Variants in ITIH4 observed in about 807,000 individuals in gnomAD.
ITIH4 encodes inter-alpha-trypsin inhibitor heavy chain 4, also known as inter-alpha-trypsin inhibitor heavy chain H4.
A neutral mutation model predicts 111.8 loss-of-function variants in ITIH4; 79 were observed. The observed-to-expected ratio is 0.71, with a 90% CI of 0.59 to 0.85. ITIH4 has a LOEUF of 0.85. Among genes scored for constraint, ITIH4 ranks in the 40% least tolerant of loss-of-function variants. ITIH4 has a pLI of 0.00. For synonymous variants in ITIH4, 472 were observed against 468.3 expected, an observed-to-expected ratio of 1.01 and a Z score of -0.10; for missense variants, 1,065 against 1,195.8, an observed-to-expected ratio of 0.89 and a Z score of 1.61.
chr3:52,820,155 C>T (rs1306359388), intron 14 of ITIH4, 136 bp downstream of exon 14: 3 of 1,352,846 alleles, frequency 2.2e-6, no homozygotes, highest in South Asian at 1.3e-5. Context: ...ATTACACTGC[C>T]TCCTGGCAGC....
intron 1 of ITIH4, 72 bp downstream of exon 1, chr3:52,830,481 C>A (rs757570538): frequency 2.0e-5 from 28 of 1,406,556 alleles, no homozygotes; most frequent in Non-Finnish European, 2.4e-5. Context: ...CTGGCACATG[C>A]GGAGGCTCTT....
chr3:52,826,139 G>A (rs1700476680), intron 5 of ITIH4, 125 bp from the exon 6 acceptor site: 14 of 1,354,456 alleles, frequency 1.0e-5, no homozygotes, highest in Non-Finnish European at 1.4e-5. Flanking sequence ...GTATTCCAGG[G>A]CACTTTCTTT....
Position 52,827,188 on chromosome 3 carries a change from A to G in ITIH4, c.261T>C (p.Asp87=). Residue 87 remains aspartate (D), a synonymous_variant, in exon 3 of 24, where the codon GAT becomes GAC. Coordinates refer to ENST00000266041, the MANE Select transcript of ITIH4 (RefSeq NM_002218.5). The stretch of plus-strand genomic sequence containing the variant: ...TGATGATCCCTGGGTAGGTCATGCC[A>G]TCGATGATCCTGGGGGCAGAAGGGT... The part of the protein sequence containing the change: ...AFITNFSMII[D]GMTYPGIIKE... 1 of 1,613,856 alleles carries G rather than the reference A, an allele frequency of 6.2e-7. No individual in the cohort carries two copies. The highest frequency in any genetic ancestry group is 8.5e-7 in the Non-Finnish European group (1 of 1,179,812).
intron 11 of ITIH4, 101 bp from the exon 12 acceptor site, chr3:52,821,231 C>A: frequency 2.8e-6 from 4 of 1,411,150 alleles, no homozygotes; most frequent in Non-Finnish European, 3.9e-6. Flanking sequence ...GGGGCAGGTC[C>A]CACACACTGA....
chr3:52,825,392 A>AG (rs1700465284), intron 6 of ITIH4: 1 of 153,370 alleles, frequency 6.5e-6, no homozygotes, highest in East Asian at 1.9e-4. Flanking sequence ...ACTTGAGCCC[A>AG]GGAATTCAAG....
chr3:52,817,768 CCT>C (rs934886476), intron 20 of ITIH4, among the ~76,000 whole-genome samples: 2 of 152,250 alleles, frequency 1.3e-5, no homozygotes, highest in Non-Finnish European at 2.9e-5. Flanking sequence ...AGGCAGCTCC[CCT>C]GACCCTTGCC....
intron 21 of ITIH4, among the ~76,000 whole-genome samples, chr3:52,815,566 C>T (rs958651553): frequency 4.6e-5 from 7 of 151,822 alleles, no homozygotes; most frequent in Non-Finnish European, 7.4e-5. Flanking sequence ...TCTTCTGTAG[C>T]TCATGAAACT....
intron 20 of ITIH4, among the ~76,000 whole-genome samples, chr3:52,817,717 T>G (rs985063256): frequency 2.6e-5 from 4 of 152,226 alleles, no homozygotes; most frequent in African/African-American, 9.6e-5. Context: ...CATGCTGGTC[T>G]CTGTGCACCC....
In ITIH4 at chr3:52,824,142, C is replaced by G. The variant is rs746018283; in HGVS notation, c.1171+48G>C. 1.3e-6 allele frequency: 2 copies of G among 1,599,130 alleles called. No homozygotes were observed. The highest frequency in any genetic ancestry group is 3.4e-5 in the Admixed American group (2 of 59,658). ...ACAGCAAGCCCAGGTGCAGCCCCAGCCGCCTCCCCTGTGCAGCACGTCCTG... is the reference window on the plus strand; with the variant it reads ...ACAGCAAGCCCAGGTGCAGCCCCAGGCGCCTCCCCTGTGCAGCACGTCCTG... On this transcript the variant is annotated intron_variant, in intron 9 of 23. Coordinates refer to ENST00000266041, the MANE Select transcript of ITIH4 (RefSeq NM_002218.5). The surrounding 1 kb of genome is among the most constrained non-coding windows in gnomAD (Gnocchi z 4.3).
At chr3:52,813,840 CA>C (rs1469695829) in intron 23 of ITIH4, 134 bp downstream of exon 23, 1 of 721,088 alleles carries the variant, frequency 1.4e-6, no homozygotes, top group African/African-American at 1.7e-5. Flanking sequence ...GACACTTCTA[CA>C]GCATCAACCT....
At position 52,820,619 on chromosome 3, in the gene ITIH4, C is replaced by T. The variant is rs756500181; in HGVS notation, c.1834+12G>A. ...GCTACCTGGGAGGCTGAGATCTCAA[C>T]CCCACACCCACCGCCTTCCATGGGC... On this transcript the variant is annotated intron_variant, in intron 13 of 23. Transcript: ENST00000266041. The T allele has an allele frequency of 1.4e-5, 23 of 1,600,850 alleles. No homozygotes were observed. The highest frequency in any genetic ancestry group is 2.0e-5 in the Non-Finnish European group (23 of 1,172,930).
rs757393512 is a variant in ITIH4, at chr3:52,824,528, C to A, written c.914G>T (p.Ser305Ile). Residue 305 changes from serine to isoleucine, a missense_variant, in exon 8 of 24, where the codon AGC becomes ATC. Transcript: ENST00000266041. The surrounding 1 kb of genome is among the most constrained non-coding windows in gnomAD (Gnocchi z 4.3). ...GATGAGGTTGAACTGGTCTCTGGGG[C>A]TGAGGTCATCCAGGATCTTGATTAG... ...EALIKILDDLSPRDQFNLIVF... is the reference protein window; with the variant it reads ...EALIKILDDLIPRDQFNLIVF... The A allele has an allele frequency of 1.2e-5, 19 of 1,613,818 alleles. No individual in the cohort carries two copies. The highest frequency in any genetic ancestry group is 1.7e-4 in the Middle Eastern group (1 of 6,060).
intron 2 of ITIH4, among the ~76,000 whole-genome samples, 193 bp downstream of exon 2, chr3:52,828,926 G>A (rs1229222990): frequency 2.0e-5 from 3 of 152,172 alleles, no homozygotes; most frequent in Non-Finnish European, 4.4e-5. Context: ...TGGATGGAGG[G>A]AAGGACGGGG....
chr3:52,824,687 G>A lies in ITIH4; in HGVS notation c.877-122C>T, dbSNP rs1024866047. On this transcript the variant is annotated intron_variant, in intron 7 of 23. Coordinates refer to ENST00000266041, the MANE Select transcript of ITIH4 (RefSeq NM_002218.5). The surrounding 1 kb of genome is among the most constrained non-coding windows in gnomAD (Gnocchi z 4.3). ...GGTCATGGTATCTGCTCTAGGAACA[G>A]GGGCTGCCCTAGGCTCTGGCCAACC... is the stretch of plus-strand genomic sequence containing the variant. The A allele has an allele frequency of 3.8e-6, 5 of 1,302,164 alleles. No homozygotes were observed. Among genetic ancestry groups the A allele is most frequent in the Non-Finnish European group, 5.3e-6 (5 of 939,804 alleles). 80.7% of individuals were successfully genotyped at this position (1,302,164 alleles called of 1,614,324 possible).
At chr3:52,816,451 G>A (rs760005826) in intron 21 of ITIH4, among the ~76,000 whole-genome samples, 1 of 152,194 alleles carries the variant, frequency 6.6e-6, no homozygotes, top group South Asian at 2.1e-4. Flanking sequence ...TGTAGGCAGC[G>A]CTGTCCTGTG....
Position 52,813,478 on chromosome 3 carries a change from C to T in ITIH4, c.2736G>A (p.Leu912=), listed in dbSNP as rs1700225427. 1 of 1,613,932 alleles carries T rather than the reference C, an allele frequency of 6.2e-7. No individual in the cohort carries two copies. The highest frequency in any genetic ancestry group is 1.7e-5 in the Admixed American group (1 of 60,004). The change falls in exon 24 of 24, where the codon CTG becomes CTA. Residue 912 remains leucine (L), a synonymous_variant. Transcript: ENST00000266041. The part of the protein sequence containing the change: ...NDHSATRERR[L]DYQEGPPGVE... ...CTCCCGGGGGCCCCTCCTGGTAATC[C>T]AGCCTGCGCTCTCTGAAATGGAAAG...
At chr3:52,821,543 G>A (rs986823535) in intron 11 of ITIH4, among the ~76,000 whole-genome samples, 3 of 152,186 alleles carry the variant, frequency 2.0e-5, no homozygotes, top group Non-Finnish European at 4.4e-5. Flanking sequence ...AGAGAGGGAA[G>A]GACCTTCCCA....
rs868364328 is a variant in ITIH4 at position 52,826,644 on chromosome 3, A to G, written c.527T>C (p.Ile176Thr). The part of the protein sequence containing the change: ...QQLVKHLQMD[I>T]HIFEPQGISF... ...GATGCCCTGGGGCTCGAAGATGTGAATGTCCATCTGGAGGCAAGATGTGGG... is the reference window on the plus strand; with the variant it reads ...GATGCCCTGGGGCTCGAAGATGTGAGTGTCCATCTGGAGGCAAGATGTGGG... Residue 176 changes from isoleucine to threonine, a missense_variant, in exon 5 of 24, where the codon ATT becomes ACT. Ile to Thr is a moderately conservative substitution (Grantham distance 89). Coordinates refer to ENST00000266041, the MANE Select transcript of ITIH4 (RefSeq NM_002218.5). 6.2e-7 allele frequency: 1 copy of G among 1,613,934 alleles called. No individual in the cohort carries two copies.
Position 52,824,527 on chromosome 3 carries a change from G to A in ITIH4, c.915C>T (p.Ser305=). 6.2e-7 allele frequency: 1 copy of A among 1,613,836 alleles called. No individual in the cohort carries two copies. The highest frequency in any genetic ancestry group is 8.5e-7 in the Non-Finnish European group (1 of 1,179,996). Residue 305 remains serine (S), a synonymous_variant, in exon 8 of 24, where the codon AGC becomes AGT. Transcript: ENST00000266041. The surrounding 1 kb of genome is among the most constrained non-coding windows in gnomAD (Gnocchi z 4.3). ...CGATGAGGTTGAACTGGTCTCTGGGGCTGAGGTCATCCAGGATCTTGATTA... is the reference window on the plus strand; with the variant it reads ...CGATGAGGTTGAACTGGTCTCTGGGACTGAGGTCATCCAGGATCTTGATTA... The part of the protein sequence containing the change: ...EALIKILDDL[S]PRDQFNLIVF...
Sources: gnomAD v4.1 joint callset for allele counts (sites outside exome capture counted in the v4.1 genomes callset) on GRCh38, gnomAD v4.1.1 for gene constraint, Gnocchi (gnomAD v3.1) non-coding constraint, MANE v1.5 for transcripts, NCBI Gene and HGNC (gene_info 2026-07-23, HGNC 2026-07-21) for gene names.